Variants in FAM184A observed in about 807,000 individuals in gnomAD.
The protein encoded by FAM184A is protein FAM184A.
FAM184A carries 99 observed loss-of-function variants against 143.8 expected under a neutral mutation model. The ratio of observed to expected loss-of-function variants is 0.69; its 90% CI spans 0.58 to 0.81. The LOEUF (loss-of-function observed/expected upper bound fraction) is 0.81. Ranked by LOEUF, FAM184A falls within the 40% of genes least tolerant of loss-of-function variation. FAM184A has a pLI of 0.00. For synonymous variants in FAM184A, 427 were observed against 446.4 expected (o/e 0.96, Z 0.55); for missense variants, 1,217 against 1,310.5 (o/e 0.93, Z 1.10).
chr6:119,049,739 T>C lies in FAM184A; in HGVS notation c.160-24926A>G, dbSNP rs564528424. Among the ~76,000 whole-genome samples the C allele has an allele frequency of 1.3e-4, 20 of 152,254 alleles. 1 individual carries two copies. The highest frequency in any genetic ancestry group is 4.3e-4 in the African/African-American group (18 of 41,558). On this transcript the variant is annotated intron_variant, in intron 1 of 17. Transcript: ENST00000338891. ...CCAAAACTATAAAAACTCTGGAAGA[T>C]AACCTAGGCAATACCATTCAGGACA... is the stretch of plus-strand genomic sequence containing the variant.
At chr6:119,121,989 A>T (rs1562159145) in intron 1 of FAM184A, among the ~76,000 whole-genome samples, 1 of 152,058 alleles carries the variant, frequency 6.6e-6, no homozygotes, top group Non-Finnish European at 1.5e-5. Flanking sequence ...GGGTGGTCTC[A>T]AACTCCTGGC....
At chr6:119,110,916 A>G (rs1444997169) in intron 1 of FAM184A, among the ~76,000 whole-genome samples, 1 of 152,218 alleles carries the variant, frequency 6.6e-6, no homozygotes, top group Non-Finnish European at 1.5e-5. Flanking sequence ...TAGTTCATGA[A>G]TATTTGCTGC....
chr6:119,037,934 A>G (rs979023926), intron 1 of FAM184A, among the ~76,000 whole-genome samples: 16 of 152,198 alleles, frequency 1.1e-4, no homozygotes, highest in Non-Finnish European at 2.2e-4. Flanking sequence ...CTGAATCTCA[A>G]TATGTGAGGA....
intron 9 of FAM184A, among the ~76,000 whole-genome samples, chr6:118,989,570 ATATAACT>A (rs1270588616): frequency 8.6e-6 from 1 of 115,730 alleles, no homozygotes; most frequent in Non-Finnish European, 2.1e-5. Context: ...ATATCCAATG[ATATAACT>A]TATTAAAGTT....
intron 17 of FAM184A, chr6:118,960,725 C>T (rs773365159): frequency 1.9e-6 from 2 of 1,073,848 alleles, no homozygotes; most frequent in South Asian, 2.6e-5. Context: ...TTAATTCTAA[C>T]TAAAGATTCT....
chr6:119,041,277 G>A (rs1786317567), intron 1 of FAM184A, among the ~76,000 whole-genome samples: 1 of 152,176 alleles, frequency 6.6e-6, no homozygotes, highest in Non-Finnish European at 1.5e-5. Context: ...ATTATGATGA[G>A]ATGGGACTGA....
At chr6:119,029,606 T>C (rs1785795755) in intron 1 of FAM184A, among the ~76,000 whole-genome samples, 2 of 151,974 alleles carry the variant, frequency 1.3e-5, no homozygotes, top group Admixed American at 6.6e-5. Context: ...GCTGAAGATA[T>C]AAAAGCACGG....
At chr6:119,127,518 C>T (rs1344007169) in intron 1 of FAM184A, among the ~76,000 whole-genome samples, 2 of 152,170 alleles carry the variant, frequency 1.3e-5, no homozygotes, top group Non-Finnish European at 2.9e-5. Flanking sequence ...TGGTAAACCT[C>T]ATAGAAAGAG....
intron 11 of FAM184A, 43 bp from the exon 12 acceptor site, chr6:118,976,087 T>C: frequency 1.9e-6 from 3 of 1,586,612 alleles, no homozygotes; most frequent in Non-Finnish European, 2.6e-6. Context: ...ATTTAAAAAA[T>C]ATTATCAATA....
intron 1 of FAM184A, among the ~76,000 whole-genome samples, chr6:119,138,269 T>C (rs1469842790): frequency 3.9e-5 from 6 of 152,204 alleles, no homozygotes; most frequent in African/African-American, 1.4e-4. Context: ...GAAAGTACTG[T>C]TTTTCAATTT....
intron 1 of FAM184A, among the ~76,000 whole-genome samples, chr6:119,129,307 T>C (rs1244650707): frequency 6.6e-6 from 1 of 152,202 alleles, no homozygotes; most frequent in African/African-American, 2.4e-5. Flanking sequence ...AAATGTGATC[T>C]GCAGAGGATT....
intron 1 of FAM184A, among the ~76,000 whole-genome samples, chr6:119,110,162 C>T (rs1788896570): frequency 6.6e-6 from 1 of 152,104 alleles, no homozygotes; most frequent in African/African-American, 2.4e-5. Context: ...GCCCAGGGAT[C>T]CTGGGGCACC....
At chr6:119,077,288 A>AT (rs1787909338) in intron 1 of FAM184A, among the ~76,000 whole-genome samples, 1 of 152,144 alleles carries the variant, frequency 6.6e-6, no homozygotes, top group Non-Finnish European at 1.5e-5. Context: ...AGCTGTTAGG[A>AT]GACAGCTTAA....
intron 1 of FAM184A, among the ~76,000 whole-genome samples, chr6:119,136,273 A>G (rs546962668): frequency 1.5e-3 from 196 of 127,726 alleles, no homozygotes; most frequent in Non-Finnish European, 2.1e-3. Flanking sequence ...CGACAGAGCG[A>G]GACTCCGTCT....
intron 1 of FAM184A, chr6:119,058,032 T>C (rs1787064291): frequency 1.3e-5 from 2 of 151,124 alleles, no homozygotes; most frequent in Admixed American, 6.6e-5. Context: ...TATGGGTTAA[T>C]GTTTTTCCCT....
chr6:119,118,729 T>G (rs943373985), intron 1 of FAM184A, among the ~76,000 whole-genome samples: 1 of 152,136 alleles, frequency 6.6e-6, no homozygotes, highest in Non-Finnish European at 1.5e-5. Context: ...GTATGTCATC[T>G]CAGGACCCTG....
intron 14 of FAM184A, among the ~76,000 whole-genome samples, chr6:118,973,158 G>C (rs955867629): frequency 6.6e-6 from 1 of 152,108 alleles, no homozygotes; most frequent in Non-Finnish European, 1.5e-5. Flanking sequence ...ATCAGAAAGA[G>C]CACCTCATCT....
At chr6:119,007,794 A>G (rs1448805205) in intron 6 of FAM184A, among the ~76,000 whole-genome samples, 1 of 152,098 alleles carries the variant, frequency 6.6e-6, no homozygotes, top group Non-Finnish European at 1.5e-5. Context: ...TACAAAAAGT[A>G]GCCGGGTGTG....
At position 118,985,817 on chromosome 6, in the gene FAM184A, G is replaced by T. The variant is rs76863705; in HGVS notation, c.2089-5467C>A. Among the ~76,000 whole-genome samples, 959 of 152,292 alleles carry T rather than the reference G, an allele frequency of 6.3e-3. 7 individuals are homozygous for T. The highest frequency in any genetic ancestry group is 0.021 in the African/African-American group (891 of 41,546). ...AACTGCTAGCCTATCAGTCTGAGCA[G>T]ATCTCAGGAAAAAAACTGCTAACCT... On this transcript the variant is annotated intron_variant, in intron 9 of 17. Transcript: ENST00000338891.
Sources: gnomAD v4.1 joint callset for allele counts (sites outside exome capture counted in the v4.1 genomes callset) on GRCh38, gnomAD v4.1.1 for gene constraint, MANE v1.5 for transcripts, NCBI Gene and HGNC (gene_info 2026-07-23, HGNC 2026-07-21) for gene names.